The following CSRNP2 variants were observed in gnomAD, a reference collection of about 807,000 sequenced individuals.
CSRNP2 encodes cysteine/serine-rich nuclear protein 2.
In CSRNP2, 11 loss-of-function variants were observed where a neutral mutation model predicts 36.6. The ratio of observed to expected loss-of-function variants is 0.30; its 90% CI spans 0.19 to 0.50. The LOEUF is 0.50. Among genes scored for constraint, CSRNP2 ranks in the 20% least tolerant of loss-of-function variants. The pLI is 0.98. For missense variants in CSRNP2, 483 were observed against 691.4 expected, an observed-to-expected ratio of 0.70 and a Z score of 3.38; for synonymous variants, 248 against 275.3, an observed-to-expected ratio of 0.90 and a Z score of 0.98.
chr12:51,070,198 G>C (rs1406557436), intron 3 of CSRNP2, among the ~76,000 whole-genome samples: 1 of 152,226 alleles, frequency 6.6e-6, no homozygotes. Context: ...GATTTCATCA[G>C]ACAACCAGAG....
intron 2 of CSRNP2, among the ~76,000 whole-genome samples, chr12:51,075,748 G>A (rs899570499): frequency 1.4e-4 from 22 of 152,086 alleles, no homozygotes; most frequent in African/African-American, 5.1e-4. Flanking sequence ...TAATAGAGCC[G>A]TAAGAATTAA....
intron 3 of CSRNP2, among the ~76,000 whole-genome samples, chr12:51,072,760 T>C (rs1479986668): frequency 1.3e-5 from 2 of 152,128 alleles, no homozygotes; most frequent in Admixed American, 6.6e-5. Flanking sequence ...ATGGGGATTA[T>C]AGAAACAGCA....
At chr12:51,070,190 T>C (rs948267803) in intron 3 of CSRNP2, among the ~76,000 whole-genome samples, 1 of 152,160 alleles carries the variant, frequency 6.6e-6, no homozygotes, top group African/African-American at 2.4e-5. Flanking sequence ...CTTTGGTTGA[T>C]TTCATCAGAC....
chr12:51,075,024 C>CG (rs1939338386), intron 2 of CSRNP2, among the ~76,000 whole-genome samples: 1 of 152,110 alleles, frequency 6.6e-6, no homozygotes, highest in African/African-American at 2.4e-5. Flanking sequence ...GAGATTGTGC[C>CG]ACTGCACTTC....
intron 1 of CSRNP2, among the ~76,000 whole-genome samples, chr12:51,081,891 C>A (rs761610849): frequency 6.6e-6 from 1 of 152,014 alleles, no homozygotes; most frequent in Non-Finnish European, 1.5e-5. Context: ...AGGGACTGCC[C>A]AGGCAAAATT....
In CSRNP2 at chr12:51,063,838, T is replaced by C. The variant is rs760433571; in HGVS notation, c.1540A>G (p.Asn514Asp). 1 of 1,613,848 alleles carries C rather than the reference T, an allele frequency of 6.2e-7. No individual in the cohort carries two copies. The highest frequency in any genetic ancestry group is 8.5e-7 in the Non-Finnish European group (1 of 1,179,884). ...TTCACCATCCCACAGCCCTCTTCAT[T>C]GTCCGTGCGGAAGGGGAGGCTTGAG... Reference protein sequence around the residue: ...SPSSLPFRTDNEEGCGMVKTS... With the variant: ...SPSSLPFRTDDEEGCGMVKTS... Residue 514 changes from asparagine to aspartate, a missense_variant, in exon 5 of 5, where the codon AAT (asparagine) becomes GAT (aspartate). Asn to Asp is a conservative substitution (Grantham distance 23). Transcript: ENST00000228515.
chr12:51,061,280 A>G lies in CSRNP2; in HGVS notation c.*2466T>C, dbSNP rs935925083. On this transcript the variant is annotated 3_prime_UTR_variant, in exon 5 of 5. Coordinates refer to ENST00000228515, the MANE Select transcript of CSRNP2 (RefSeq NM_030809.3). ...AGCATTATCACAATGTAAAGAACCTAAAGGGGAAAAAATTATTTTCAGAGA... is the reference window on the plus strand; with the variant it reads ...AGCATTATCACAATGTAAAGAACCTGAAGGGGAAAAAATTATTTTCAGAGA... The G allele has an allele frequency of 6.6e-6, 1 of 152,638 alleles. No homozygotes were observed. The highest frequency in any genetic ancestry group is 2.4e-5 in the African/African-American group (1 of 41,460). The allele number at this position is 152,638 out of a possible 1,614,324, so 9.5% of individuals were successfully genotyped here.
At position 51,064,042 on chromosome 12, in the gene CSRNP2, C is replaced by T; in HGVS notation, c.1336G>A (p.Glu446Lys). The change falls in exon 5 of 5, where the codon GAG becomes AAG. Residue 446 changes from glutamate to lysine, a missense_variant. Physicochemically the swap from Glu to Lys is moderately conservative, Grantham distance 56. Coordinates refer to ENST00000228515, the MANE Select transcript of CSRNP2 (RefSeq NM_030809.3). ...TEEGSASFPK[E>K]KDLNVFSLPV... Reference sequence around the variant, plus strand: ...AGAGAGAAGACATTCAGATCCTTCTCCTTTGGGAAAGAGGCTGAGCCTTCT... The same window carrying T: ...AGAGAGAAGACATTCAGATCCTTCTTCTTTGGGAAAGAGGCTGAGCCTTCT... 6.2e-7 allele frequency: 1 copy of T among 1,614,228 alleles called. No individual in the cohort carries two copies.
At position 51,067,707 on chromosome 12, in the gene CSRNP2, G is replaced by A. The variant is rs200995055; in HGVS notation, c.674C>T (p.Ala225Val). 2.0e-5 allele frequency: 33 copies of A among 1,613,914 alleles called. No individual in the cohort carries two copies. Among genetic ancestry groups the A allele is most frequent in the East Asian group, 8.9e-5 (4 of 44,890 alleles). Residue 225 changes from alanine (A) to valine (V), a missense_variant, in exon 4 of 5, where the codon GCG (alanine) becomes GTG (valine). Physicochemically the swap from Ala to Val is moderately conservative, Grantham distance 64. This residue lies in a region of CSRNP2 where 206 missense variants were observed against 367.8 expected (regional missense o/e 0.56). Coordinates refer to ENST00000228515, the MANE Select transcript of CSRNP2 (RefSeq NM_030809.3). The surrounding 1 kb of genome is among the most constrained non-coding windows in gnomAD (Gnocchi z 4.1). ...AATCCCAGCCTGGCTGCAGGCACAC[G>A]CTTCTGGGTCACAATACAGTCGGCA... ...CDCRLYCDPE[A>V]CACSQAGIKC...
At chr12:51,080,108 G>A (rs1939574983) in intron 1 of CSRNP2, among the ~76,000 whole-genome samples, 1 of 140,862 alleles carries the variant, frequency 7.1e-6, no homozygotes, top group Non-Finnish European at 1.6e-5. Flanking sequence ...AAGAGGGAGG[G>A]AGGGAAGAGA....
chr12:51,071,949 A>G (rs1939178801), intron 3 of CSRNP2, among the ~76,000 whole-genome samples: 1 of 152,020 alleles, frequency 6.6e-6, no homozygotes, highest in Non-Finnish European at 1.5e-5. Context: ...TAGAGTGAGA[A>G]AAACAGGTGT....
chr12:51,079,017 T>C (rs1278672309), intron 1 of CSRNP2, among the ~76,000 whole-genome samples: 1 of 152,284 alleles, frequency 6.6e-6, no homozygotes, highest in Admixed American at 6.5e-5. Flanking sequence ...ATGTGGCACA[T>C]ATACACCATG....
Position 51,076,650 on chromosome 12 carries a change from G to T in CSRNP2, c.-86-3C>A. On this transcript the variant is annotated splice_region_variant and splice_polypyrimidine_tract_variant and intron_variant, in intron 1 of 4. Transcript: ENST00000228515. ...AGCTAGCCAGGTACATTAGGATTCT[G>T]CCCAGGGAAAAAAAGGAATCAGCAT... 6.8e-7 allele frequency: 1 copy of T among 1,480,418 alleles called. No individual in the cohort carries two copies. The highest frequency in any genetic ancestry group is 1.4e-5 in the African/African-American group (1 of 71,532). 91.7% of individuals were successfully genotyped at this position (1,480,418 alleles called of 1,614,324 possible). A position where few individuals can be genotyped will look rare whatever the true frequency, so the allele number is the denominator to read the frequency against.
intron 1 of CSRNP2, chr12:51,082,561 T>TGTGGGG (rs1250329375): frequency 6.6e-6 from 1 of 152,194 alleles, no homozygotes; most frequent in East Asian, 1.9e-4. Flanking sequence ...AGTGTTGTCT[T>TGTGGGG]GTGGGGATAA....
chr12:51,068,108 T>A, intron 3 of CSRNP2, 139 bp from the exon 4 acceptor site: 1 of 716,444 alleles, frequency 1.4e-6, no homozygotes, highest in Non-Finnish European at 2.3e-6. Context: ...TGGCAGCTAC[T>A]AGCACATGTG....
chr12:51,082,631 T>C lies in CSRNP2; in HGVS notation c.-87+708A>G, dbSNP rs181040321. On this transcript the variant is annotated intron_variant, in intron 1 of 4. Coordinates refer to ENST00000228515, the MANE Select transcript of CSRNP2 (RefSeq NM_030809.3). ...GTCACACTGCCACTCTCAACCCCTT[T>C]AAAAGGATGAATCAAGACCACAGCA... is the stretch of plus-strand genomic sequence containing the variant. 6.6e-5 allele frequency: 10 copies of C among 152,190 alleles called. No homozygotes were observed. The East Asian group carries it at 1.9e-3, about 29-fold the overall frequency. The allele number at this position is 152,190 out of a possible 1,614,324, so 9.4% of individuals were successfully genotyped here.
chr12:51,078,699 G>A (rs918641582), intron 1 of CSRNP2, among the ~76,000 whole-genome samples: 2 of 152,172 alleles, frequency 1.3e-5, no homozygotes, highest in Non-Finnish European at 2.9e-5. Flanking sequence ...TTAGAATGGC[G>A]ATCATTAAGA....
rs560587304 is a variant in CSRNP2 at position 51,069,266 on chromosome 12, T to C, written c.412-1297A>G. 1.9e-4 allele frequency among the ~76,000 whole-genome samples: 28 copies of C among 148,950 alleles called. 1 individual carries two copies. In the East Asian group the frequency reaches 4.6e-3, roughly 25 times the overall value. On this transcript the variant is annotated intron_variant, in intron 3 of 4. Coordinates refer to ENST00000228515, the MANE Select transcript of CSRNP2 (RefSeq NM_030809.3). ...ATGGGATTACAGGCATGAGCCACCG[T>C]GCCCGGCTTCCTTCTCCTTTCTTTT...
chr12:51,069,169 G>C (rs990460103), intron 3 of CSRNP2, among the ~76,000 whole-genome samples: 3 of 151,786 alleles, frequency 2.0e-5, no homozygotes, highest in African/African-American at 7.3e-5. Context: ...TAGACATGGG[G>C]TTTCACCGTG....
Sources: gnomAD v4.1 joint callset for allele counts (sites outside exome capture counted in the v4.1 genomes callset) on GRCh38, gnomAD v4.1.1 for gene constraint, gnomAD v4.1.1 regional missense constraint, Gnocchi (gnomAD v3.1) non-coding constraint, MANE v1.5 for transcripts, NCBI Gene and HGNC (gene_info 2026-07-23, HGNC 2026-07-21) for gene names.